The following KPNA3 variants were observed in gnomAD, a reference collection of about 807,000 sequenced individuals.
The protein encoded by KPNA3 is karyopherin subunit alpha 3.
In KPNA3, 13 loss-of-function variants were observed where a neutral mutation model predicts 73.8. The observed-to-expected ratio is 0.18, with a 90% CI of 0.11 to 0.28. The LOEUF (loss-of-function observed/expected upper bound fraction) is 0.28. Ranked by LOEUF, KPNA3 falls within the 10% of genes least tolerant of loss-of-function variation. The probability of loss-of-function intolerance (pLI) is 1.00; values close to 1 mark genes in which losing one functional copy is unlikely to be tolerated. For synonymous variants in KPNA3, 186 were observed against 206.9 expected, an observed-to-expected ratio of 0.90 and a Z score of 0.87; for missense variants, 360 against 618.1, an observed-to-expected ratio of 0.58 and a Z score of 4.43.
intron 10 of KPNA3, among the ~76,000 whole-genome samples, chr13:49,716,990 TCCTAACACTCAAA>T (rs1465969312): frequency 3.3e-5 from 5 of 152,132 alleles, no homozygotes; most frequent in Non-Finnish European, 5.9e-5. Flanking sequence ...TCACTTTATT[TCCTAACACTCAAA>T]GTTTTTTCTC....
intron 16 of KPNA3, 105 bp downstream of exon 16, chr13:49,702,281 C>A: frequency 3.0e-6 from 2 of 672,788 alleles, no homozygotes; most frequent in South Asian, 1.7e-5. Context: ...AAATACAGTA[C>A]AAACTTATGT....
At chr13:49,744,673 A>C (rs935955574) in intron 2 of KPNA3, among the ~76,000 whole-genome samples, 4 of 152,202 alleles carry the variant, frequency 2.6e-5, no homozygotes. Flanking sequence ...GGGATTCACC[A>C]TGTTGGCCAG....
intron 10 of KPNA3, among the ~76,000 whole-genome samples, chr13:49,712,490 A>G (rs1405826727): frequency 2.7e-5 from 4 of 147,530 alleles, no homozygotes; most frequent in African/African-American, 5.1e-5. Flanking sequence ...TCCAAACTGA[A>G]TAACAGAAAA....
At chr13:49,730,752 A>C (rs1954459063) in intron 6 of KPNA3, among the ~76,000 whole-genome samples, 2 of 132,234 alleles carry the variant, frequency 1.5e-5, no homozygotes, top group African/African-American at 2.9e-5. Flanking sequence ...TATATCTCCT[A>C]ATGCTATCCC....
At chr13:49,711,157 G>T in intron 10 of KPNA3, 135 bp from the exon 11 acceptor site, 1 of 667,924 alleles carries the variant, frequency 1.5e-6, no homozygotes, top group Non-Finnish European at 2.4e-6. Flanking sequence ...TATCTGCTTA[G>T]CTGATTAATC....
intron 2 of KPNA3, among the ~76,000 whole-genome samples, chr13:49,744,216 A>G (rs1316726867): frequency 2.8e-5 from 4 of 144,904 alleles, no homozygotes; most frequent in African/African-American, 9.8e-5. Context: ...ATGTCAACAA[A>G]ATGTGAAAAA....
intron 10 of KPNA3, among the ~76,000 whole-genome samples, chr13:49,717,004 GT>G (rs1954310306): frequency 6.6e-6 from 1 of 152,000 alleles, no homozygotes; most frequent in Non-Finnish European, 1.5e-5. Context: ...AACACTCAAA[GT>G]TTTTTCTCCC....
intron 1 of KPNA3, among the ~76,000 whole-genome samples, chr13:49,761,855 C>T (rs1412355837): frequency 1.3e-5 from 2 of 151,498 alleles, no homozygotes; most frequent in Non-Finnish European, 3.0e-5. Context: ...CCAGACGCCC[C>T]GTCTGGGATG....
intron 15 of KPNA3, among the ~76,000 whole-genome samples, chr13:49,702,882 G>A (rs1205103307): frequency 6.6e-6 from 1 of 151,816 alleles, no homozygotes; most frequent in East Asian, 1.9e-4. Context: ...TTTTTTTTGA[G>A]ACGGAGTCTC....
intron 1 of KPNA3, among the ~76,000 whole-genome samples, chr13:49,751,454 C>A (rs1439097747): frequency 6.6e-6 from 1 of 152,174 alleles, no homozygotes; most frequent in Non-Finnish European, 1.5e-5. Context: ...TGCACTGAAT[C>A]AATTTTCCAC....
intron 12 of KPNA3, among the ~76,000 whole-genome samples, chr13:49,707,357 G>C (rs898998914): frequency 8.5e-5 from 13 of 152,092 alleles, no homozygotes; most frequent in Admixed American, 2.6e-4. Flanking sequence ...TCTGTGTTTA[G>C]AGTACATGGG....
At chr13:49,703,183 C>CTTTTTTTT (rs35282756) in intron 15 of KPNA3, among the ~76,000 whole-genome samples, 6 of 109,194 alleles carry the variant, frequency 5.5e-5, no homozygotes, top group East Asian at 2.7e-4. Context: ...TTCTTTCTTT[C>CTTTTTTTT]TTTTTTTTTT....
intron 1 of KPNA3, among the ~76,000 whole-genome samples, chr13:49,779,858 G>A (rs6561562): frequency 6.7e-4 from 102 of 152,134 alleles, no homozygotes; most frequent in Non-Finnish European, 1.3e-3. Context: ...CAAATACAAT[G>A]AATGGCTTAT....
chr13:49,711,152 G>A, intron 10 of KPNA3, 130 bp from the exon 11 acceptor site: 2 of 691,834 alleles, frequency 2.9e-6, no homozygotes, highest in Non-Finnish European at 4.6e-6. Flanking sequence ...AAAAATATCT[G>A]CTTAGCTGAT....
At chr13:49,751,192 C>G (rs568213399) in intron 1 of KPNA3, among the ~76,000 whole-genome samples, 5 of 152,202 alleles carry the variant, frequency 3.3e-5, no homozygotes. Context: ...CTTCCTAACA[C>G]CCTCACCAAA....
intron 1 of KPNA3, among the ~76,000 whole-genome samples, chr13:49,756,266 CCTGCCTCAAAACAAACAAA>C (rs1375986330): frequency 6.6e-6 from 1 of 152,136 alleles, no homozygotes; most frequent in East Asian, 1.9e-4. Context: ...AGAGATAGAC[CCTGCCTCAAAACAAACAAA>C]CAATGCTGGA....
At chr13:49,766,975 T>G (rs943899888) in intron 1 of KPNA3, among the ~76,000 whole-genome samples, 1 of 150,798 alleles carries the variant, frequency 6.6e-6, no homozygotes, top group Non-Finnish European at 1.5e-5. Context: ...TTTTTCCTCT[T>G]CACAGAGGTA....
chr13:49,705,058 T>C (rs901464427), intron 15 of KPNA3, among the ~76,000 whole-genome samples: 1 of 152,230 alleles, frequency 6.6e-6, no homozygotes, highest in African/African-American at 2.4e-5. Flanking sequence ...GTATTAGTGT[T>C]TCCTAAAATG....
In KPNA3 at chr13:49,732,391, T is replaced by C; in HGVS notation, c.363A>G (p.Lys121=). 1 of 1,573,198 alleles carries C rather than the reference T, an allele frequency of 6.4e-7. No homozygotes were observed. Among genetic ancestry groups the C allele is most frequent in the Non-Finnish European group, 8.7e-7 (1 of 1,147,884 alleles). ...CTTACTTATCATCCCTTTCTAGACA[T>C]TTGACTAGAATTGGTAAAATCCCAG... is the stretch of plus-strand genomic sequence containing the variant. The part of the protein sequence containing the change: ...IKSGILPILV[K]CLERDDNPSL... The change falls in exon 6 of 17, where the codon AAA becomes AAG. Residue 121 remains lysine (K), a synonymous_variant. Coordinates refer to ENST00000261667, the MANE Select transcript of KPNA3 (RefSeq NM_002267.4).
Sources: gnomAD v4.1 joint callset for allele counts (sites outside exome capture counted in the v4.1 genomes callset) on GRCh38, gnomAD v4.1.1 for gene constraint, MANE v1.5 for transcripts, NCBI Gene and HGNC (gene_info 2026-07-23, HGNC 2026-07-21) for gene names.